Variants in SPTAN1 observed in about 807,000 individuals in gnomAD.
SPTAN1 encodes the protein spectrin alpha chain, non-erythrocytic 1.
A neutral mutation model predicts 331.3 loss-of-function variants in SPTAN1; 61 were observed. That is an observed-to-expected ratio of 0.18 (90% CI 0.15 to 0.23). The LOEUF is 0.23. Ranked by LOEUF, SPTAN1 falls within the 10% of genes least tolerant of loss-of-function variation. The probability of loss-of-function intolerance (pLI) is 1.00; values close to 1 mark genes in which losing one functional copy is unlikely to be tolerated. For missense variants in SPTAN1, 2,043 were observed against 3,147.9 expected, an observed-to-expected ratio of 0.65 and a Z score of 8.40; for synonymous variants, 1,153 against 1,173.9, an observed-to-expected ratio of 0.98 and a Z score of 0.36.
chr9:128,604,564 CCTG>C, intron 29 of SPTAN1, 147 bp downstream of exon 29: 1 of 741,812 alleles, frequency 1.3e-6, no homozygotes, highest in Non-Finnish European at 2.2e-6. Flanking sequence ...CTCAGTAAAT[CCTG>C]CTAAGTGAAT....
rs144030667 is a variant in SPTAN1, at chr9:128,621,619, A to G, written c.5832+363A>G. The G allele has an allele frequency of 8.0e-3, 2,829 of 354,780 alleles. 117 individuals are homozygous for G. Among genetic ancestry groups the G allele is most frequent in the Admixed American group, 0.074 (1,936 of 26,130 alleles). The allele number at this position is 354,780 out of a possible 1,614,324, so 22.0% of individuals were successfully genotyped here. On this transcript the variant is annotated intron_variant, in intron 45 of 56. Transcript: ENST00000372739. Reference sequence around the variant, plus strand: ...ATAAAGCCCCACCCTGACACCACACATTAGATCTTTGTGTCTGACCTGCCA... The same window carrying G: ...ATAAAGCCCCACCCTGACACCACACGTTAGATCTTTGTGTCTGACCTGCCA...
At chr9:128,626,300 T>G (rs1858725072) in intron 48 of SPTAN1, 91 bp from the exon 49 acceptor site, 5 of 1,498,370 alleles carry the variant, frequency 3.3e-6, no homozygotes, top group East Asian at 2.3e-5. Flanking sequence ...GCGCCTCTGA[T>G]TCCCAGGAAC....
At chr9:128,582,426 C>A in intron 12 of SPTAN1, 53 bp from the exon 13 acceptor site, 1 of 1,536,912 alleles carries the variant, frequency 6.5e-7, no homozygotes, top group Admixed American at 1.7e-5. Flanking sequence ...CTCCAGAGGC[C>A]AAGCTTGGGA....
chr9:128,570,330 AT>A (rs541960678), intron 3 of SPTAN1, among the ~76,000 whole-genome samples: 8 of 71,892 alleles, frequency 1.1e-4, no homozygotes, highest in African/African-American at 4.1e-4. Flanking sequence ...ATATATATAT[AT>A]TTTTTTTTTT....
rs55642110 is a variant in SPTAN1 at position 128,605,992 on chromosome 9, CAA to C, written c.4046+529_4046+530del. Among the ~76,000 whole-genome samples, 217 of 134,414 alleles carry C rather than the reference CAA, an allele frequency of 1.6e-3. 1 individual carries two copies. Among genetic ancestry groups the C allele is most frequent in the South Asian group, 0.013 (57 of 4,330 alleles). The allele number at this position is 134,414 out of a possible 152,430, so 88.2% of individuals were successfully genotyped here. A position where few individuals can be genotyped will look rare whatever the true frequency, so the allele number is the denominator to read the frequency against. ...GGGCAACAAGAGTGAAACTCCATCT[CAA>C]AAAAAAAAAAAAATTAAAAACAGAA... On this transcript the variant is annotated intron_variant, in intron 31 of 56. Transcript: ENST00000372739.
At position 128,577,071 on chromosome 9, in the gene SPTAN1, G is replaced by C. The variant is rs899840911; in HGVS notation, c.786-58G>C. ...TGACTAGGCCTTGGTCCCATGGGGT[G>C]TTCCTAGTTCTAGGGAGTCATCATT... is the stretch of plus-strand genomic sequence containing the variant. On this transcript the variant is annotated intron_variant, in intron 6 of 56. Transcript: ENST00000372739. This position sits in a 1 kb window ranked among gnomAD's most constrained non-coding sequence, Gnocchi z 4.2. 2 of 1,613,966 alleles carry C rather than the reference G, an allele frequency of 1.2e-6. No homozygotes were observed. The highest frequency in any genetic ancestry group is 8.5e-7 in the Non-Finnish European group (1 of 1,179,980).
At chr9:128,586,822 C>T (rs1410430105) in intron 19 of SPTAN1, among the ~76,000 whole-genome samples, 1 of 146,716 alleles carries the variant, frequency 6.8e-6, no homozygotes, top group Non-Finnish European at 1.5e-5. Context: ...TTTTCCTTTT[C>T]TTTTTTTTTT....
In SPTAN1 at chr9:128,585,768, G is replaced by A. The variant is rs1181333774; in HGVS notation, c.2581G>A (p.Val861Met). Residue 861 changes from valine (V) to methionine (M), a missense_variant, in exon 19 of 57, where the codon GTG becomes ATG. Around this residue, in one of 12 missense-constraint regions of SPTAN1, gnomAD observed 1,038 missense variants for 1,531.5 expected, o/e 0.68. Coordinates refer to ENST00000372739, the MANE Select transcript of SPTAN1 (RefSeq NM_001130438.3). ...TCCAGGCCATTTTGCTGCAGAGGAT[G>A]TGAAGGCCAAGCTTCACGAGCTGAA... Reference protein sequence around the residue: ...VEEGHFAAEDVKAKLHELNQK... With the variant: ...VEEGHFAAEDMKAKLHELNQK... 3.7e-6 allele frequency: 6 copies of A among 1,614,162 alleles called. No individual in the cohort carries two copies. The highest frequency in any genetic ancestry group is 1.1e-5 in the South Asian group (1 of 91,090).
chr9:128,620,023 C>G (rs1428095626), intron 44 of SPTAN1, among the ~76,000 whole-genome samples: 1 of 152,214 alleles, frequency 6.6e-6, no homozygotes, highest in African/African-American at 2.4e-5. Context: ...TGTCCTCAAG[C>G]TGGCTAGACC....
chr9:128,616,416 C>T (rs1264949811), intron 41 of SPTAN1, among the ~76,000 whole-genome samples: 8 of 151,256 alleles, frequency 5.3e-5, no homozygotes, highest in African/African-American at 1.9e-4. Context: ...TGAGCCACTG[C>T]GCCTGGTCGG....
intron 31 of SPTAN1, among the ~76,000 whole-genome samples, chr9:128,607,382 T>C (rs536067607): frequency 6.6e-6 from 1 of 152,278 alleles, no homozygotes; most frequent in East Asian, 1.9e-4. Context: ...GAAAAGATCT[T>C]AATTATAAGC....
In SPTAN1 at chr9:128,588,930, ACAGCACCAACAAGGCAAGG is replaced by A. The variant is rs1210849541; in HGVS notation, c.2996_3006+8del. 1 of 1,613,920 alleles carries A rather than the reference ACAGCACCAACAAGGCAAGG, an allele frequency of 6.2e-7. No individual in the cohort carries two copies. The highest frequency in any genetic ancestry group is 8.5e-7 in the Non-Finnish European group (1 of 1,180,000). ...AAGGGAGATATCCTTACCTTACTCAACAGCACCAACAAGGCAAGGCACAGAGAGTGGCTGTGTGTTTGTT... is the reference window on the plus strand; with the variant it reads ...AAGGGAGATATCCTTACCTTACTCAACACAGAGAGTGGCTGTGTGTTTGTT... On this transcript the variant is annotated splice_donor_variant and splice_donor_5th_base_variant and coding_sequence_variant and intron_variant, in exon 21 of 57. Transcript: ENST00000372739. LOFTEE classifies it high-confidence loss of function.
intron 27 of SPTAN1, among the ~76,000 whole-genome samples, chr9:128,602,069 A>G (rs776933801): frequency 3.1e-4 from 47 of 152,120 alleles, no homozygotes; most frequent in Non-Finnish European, 4.6e-4. Context: ...TATAAATCCC[A>G]GTACCTCTTA....
chr9:128,631,255 C>T (rs1012459951), intron 52 of SPTAN1, among the ~76,000 whole-genome samples: 2 of 150,416 alleles, frequency 1.3e-5, no homozygotes, highest in Non-Finnish European at 3.0e-5. Context: ...GTCAGGAGTT[C>T]GAGACCAGCC....
At chr9:128,566,658 C>A in intron 1 of SPTAN1, 80 bp from the exon 2 acceptor site, 3 of 1,593,478 alleles carry the variant, frequency 1.9e-6, no homozygotes, top group African/African-American at 1.3e-5. Context: ...ATAATTATTT[C>A]TTTCCTTCAG....
Position 128,612,094 on chromosome 9 carries a change from C to T in SPTAN1, c.4906-15C>T, listed in dbSNP as rs756241253. ...CATAGATTTCATCTCTTTTTGGCTC[C>T]CTTCTGTTCCCCAGGCCCGCCTGGC... is the stretch of plus-strand genomic sequence containing the variant. On this transcript the variant is annotated splice_polypyrimidine_tract_variant and intron_variant, in intron 38 of 56. Transcript: ENST00000372739. The T allele has an allele frequency of 5.5e-5, 88 of 1,613,968 alleles. No homozygotes were observed. The highest frequency in any genetic ancestry group is 7.2e-5 in the Non-Finnish European group (85 of 1,180,014).
intron 23 of SPTAN1, chr9:128,593,911 T>C (rs1853869421): frequency 2.1e-6 from 1 of 478,212 alleles, no homozygotes. Flanking sequence ...TTGTTCTAAG[T>C]GCAGAATCGG....
At chr9:128,576,677 C>A in intron 5 of SPTAN1, 146 bp from the exon 6 acceptor site, 2 of 1,085,936 alleles carry the variant, frequency 1.8e-6, no homozygotes, top group Non-Finnish European at 2.7e-6. Context: ...AGTTGTAGTT[C>A]ACTTTGTATC....
intron 27 of SPTAN1, among the ~76,000 whole-genome samples, chr9:128,601,933 A>G (rs999123852): frequency 2.0e-5 from 3 of 151,584 alleles, no homozygotes; most frequent in African/African-American, 7.3e-5. Flanking sequence ...TCCTTTTCTC[A>G]CTCTTCCCTT....
Sources: gnomAD v4.1 joint callset for allele counts (sites outside exome capture counted in the v4.1 genomes callset) on GRCh38, gnomAD v4.1.1 for gene constraint, gnomAD v4.1.1 regional missense constraint, Gnocchi (gnomAD v3.1) non-coding constraint, MANE v1.5 for transcripts, NCBI Gene and HGNC (gene_info 2026-07-23, HGNC 2026-07-21) for gene names.